The following FMO5 variants were observed in gnomAD, a reference collection of about 807,000 sequenced individuals.
The protein encoded by FMO5 is flavin containing dimethylaniline monoxygenase 5.
In FMO5, 51 loss-of-function variants were observed where a neutral mutation model predicts 43.6. The observed-to-expected ratio is 1.17, with a 90% CI of 0.93 to 1.48. The LOEUF (loss-of-function observed/expected upper bound fraction) is 1.48, where lower values mean the gene tolerates loss of function less well. Among genes scored for constraint, FMO5 ranks in the 40% most tolerant of loss-of-function variants. The pLI, the probability that FMO5 is intolerant of heterozygous loss-of-function variation, is 0.00. For synonymous variants in FMO5, 187 were observed against 216.5 expected (o/e 0.86, Z 1.20); for missense variants, 644 against 643.0 (o/e 1.00, Z -0.02).
intron 2 of FMO5, among the ~76,000 whole-genome samples, chr1:147,222,966 T>C (rs587704334): frequency 3.3e-5 from 5 of 152,326 alleles, no homozygotes; most frequent in Admixed American, 3.3e-4. Flanking sequence ...TACTGAATAA[T>C]AACCAACATG....
chr1:147,195,126 C>A (rs1429415070), intron 7 of FMO5, among the ~76,000 whole-genome samples: 1 of 152,108 alleles, frequency 6.6e-6, no homozygotes, highest in African/African-American at 2.4e-5. Flanking sequence ...TCCATTCTCC[C>A]CGTCACTTTC....
intron 7 of FMO5, among the ~76,000 whole-genome samples, chr1:147,193,732 A>G (rs1478404093): frequency 6.6e-6 from 1 of 152,276 alleles, no homozygotes; most frequent in South Asian, 2.1e-4. Context: ...GTTTCAAAGA[A>G]CATCTTTATT....
At chr1:147,185,291 A>G (rs1655522139), downstream of FMO5, among the ~76,000 whole-genome samples, 1 of 152,182 alleles carries the variant, frequency 6.6e-6, no homozygotes, top group South Asian at 2.1e-4. Context: ...ACTAGGAATT[A>G]TATTATCAAA....
At chr1:147,204,431 C>G (rs879953477) in intron 6 of FMO5, 1 of 1,203,840 alleles carries the variant, frequency 8.3e-7, no homozygotes, top group East Asian at 2.3e-5. Flanking sequence ...TTACACATTA[C>G]AGAGGTACGA....
intron 6 of FMO5, among the ~76,000 whole-genome samples, chr1:147,205,556 G>T (rs587757997): frequency 8.5e-5 from 13 of 152,202 alleles, no homozygotes; most frequent in Non-Finnish European, 1.3e-4. Context: ...GTCAAAGAGA[G>T]AATTATTTCT....
chr1:147,217,155 G>A (rs1553925199), intron 2 of FMO5, among the ~76,000 whole-genome samples: 1 of 151,990 alleles, frequency 6.6e-6, no homozygotes. Context: ...CAGGAGAATC[G>A]CTTGAACCCG....
chr1:147,203,012 T>C (rs1298202600), intron 6 of FMO5, among the ~76,000 whole-genome samples: 3 of 152,210 alleles, frequency 2.0e-5, no homozygotes, highest in African/African-American at 7.2e-5. Flanking sequence ...AAAATGGTCT[T>C]TCTAAAATGT....
rs781963495 is a variant in FMO5, at chr1:147,212,401, C to T, written c.622G>A (p.Ala208Thr). The change falls in exon 5 of 9, where the codon GCC becomes ACC. Residue 208 changes from alanine (A) to threonine (T), a missense_variant. Transcript: ENST00000254090. ...GDLAVEISQT[A>T]KQVFLSTRRG... Reference sequence around the variant, plus strand: ...AATTGAGTGATTCAAACCTGCTTGGCTGTTTGGCTAATCTCTACAGCCAGA... The same window carrying T: ...AATTGAGTGATTCAAACCTGCTTGGTTGTTTGGCTAATCTCTACAGCCAGA... 1.9e-5 allele frequency: 30 copies of T among 1,613,834 alleles called. No individual in the cohort carries two copies. The South Asian group carries it at 3.2e-4, about 17-fold the overall frequency.
intron 7 of FMO5, among the ~76,000 whole-genome samples, chr1:147,195,017 T>C (rs1279271356): frequency 2.0e-5 from 3 of 151,866 alleles, no homozygotes; most frequent in South Asian, 2.1e-4. Context: ...AGTATCTTTG[T>C]GGCGTTCTCT....
rs1241689012 is a variant in FMO5 at position 147,194,450 on chromosome 1, A to T, written c.1184-4201T>A. Among the ~76,000 whole-genome samples the T allele has an allele frequency of 2.6e-5, 4 of 152,034 alleles. No individual in the cohort carries two copies. In the South Asian group the frequency reaches 8.3e-4, roughly 32 times the overall value. On this transcript the variant is annotated intron_variant, in intron 7 of 8. Transcript: ENST00000254090. ...GAATACAGCACACTGTTGGGTCTTG[A>T]CTCTTTATCCAATTTGCCAGTCTGT...
intron 6 of FMO5, among the ~76,000 whole-genome samples, chr1:147,206,159 T>A (rs1660005123): frequency 6.7e-6 from 1 of 150,354 alleles, no homozygotes; most frequent in Non-Finnish European, 1.5e-5. Context: ...AACAGACACA[T>A]GAAAAAATGC....
chr1:147,189,795 A>G (rs1259963157), intron 8 of FMO5, among the ~76,000 whole-genome samples: 2 of 152,150 alleles, frequency 1.3e-5, no homozygotes, highest in Non-Finnish European at 2.9e-5. Flanking sequence ...ACAGATTTGT[A>G]ATTCACCCAT....
intron 4 of FMO5, 47 bp from the exon 5 acceptor site, chr1:147,212,582 G>T: frequency 1.3e-6 from 2 of 1,531,874 alleles, no homozygotes; most frequent in Non-Finnish European, 1.8e-6. Flanking sequence ...TTACATGATA[G>T]ATATCATTTG....
In FMO5 at chr1:147,186,847, G is replaced by A; in HGVS notation, c.*53C>T. 12 of 1,551,936 alleles carry A rather than the reference G, an allele frequency of 7.7e-6. No individual in the cohort carries two copies. The highest frequency in any genetic ancestry group is 8.7e-7 in the Non-Finnish European group (1 of 1,151,434). The stretch of plus-strand genomic sequence containing the variant: ...AGAGTCAATCTCGTCAGATTCTGAA[G>A]GCATCTGTAGATAAGCTTCCCAATG... On this transcript the variant is annotated 3_prime_UTR_variant, in exon 9 of 9. Transcript: ENST00000254090.
chr1:147,217,957 T>C (rs1410085799), intron 2 of FMO5, among the ~76,000 whole-genome samples: 3 of 152,224 alleles, frequency 2.0e-5, no homozygotes, highest in Non-Finnish European at 4.4e-5. Context: ...AAATGTTTAA[T>C]GGATGCATAT....
chr1:147,209,256 G>A (rs1468944067), intron 5 of FMO5, among the ~76,000 whole-genome samples: 1 of 151,952 alleles, frequency 6.6e-6, no homozygotes, highest in African/African-American at 2.4e-5. Flanking sequence ...CGTCTCTACT[G>A]AAAAACCCCG....
chr1:147,203,084 A>T (rs1423624576), intron 6 of FMO5, among the ~76,000 whole-genome samples: 1 of 148,776 alleles, frequency 6.7e-6, no homozygotes, highest in African/African-American at 2.5e-5. Context: ...TCTTCATTCC[A>T]TACTTTTTAT....
chr1:147,221,727 TGA>T (rs1663040128), intron 2 of FMO5, among the ~76,000 whole-genome samples: 1 of 152,240 alleles, frequency 6.6e-6, no homozygotes, highest in Admixed American at 6.5e-5. Context: ...TTGGGATCAC[TGA>T]GTGAAATGAA....
In FMO5 at chr1:147,201,221, T is replaced by A. The variant is rs781936783; in HGVS notation, c.1114A>T (p.Ile372Phe). ...GGCATAATGGCTCCTAAGGGCTGAA[T>A]CAAGCCTATGATTGCAAGAGTTGGC... ...ERPTLAIIGLIQPLGAIMPIS... is the reference protein window; with the variant it reads ...ERPTLAIIGLFQPLGAIMPIS... The change falls in exon 7 of 9, where the codon ATT (isoleucine) becomes TTT (phenylalanine). Residue 372 changes from isoleucine to phenylalanine, a missense_variant. By Grantham distance (21) the Ile-to-Phe change is conservative. Coordinates refer to ENST00000254090, the MANE Select transcript of FMO5 (RefSeq NM_001461.4). 6.2e-7 allele frequency: 1 copy of A among 1,614,168 alleles called. No homozygotes were observed.
Sources: allele counts gnomAD v4.1 joint callset (sites outside exome capture counted in the v4.1 genomes callset), GRCh38; gene constraint gnomAD v4.1.1; transcripts MANE v1.5; gene names NCBI Gene and HGNC (gene_info 2026-07-23, HGNC 2026-07-21).